FOXP1: variants seen among roughly 807,000 people sequenced by gnomAD.
The protein encoded by FOXP1 is forkhead box P1.
In FOXP1, 15 loss-of-function variants were observed where a neutral mutation model predicts 98.2. The ratio of observed to expected loss-of-function variants is 0.15; its 90% confidence interval spans 0.10 to 0.24. FOXP1 has a LOEUF of 0.24. FOXP1 is among the 10% of genes least tolerant of loss of function. The pLI is 1.00. For synonymous variants in FOXP1, 371 were observed against 314.5 expected (o/e 1.18, Z -1.90); for missense variants, 633 against 848.5 (o/e 0.75, Z 3.15).
chr3:71,331,516 T>C (rs1038216238), intron 4 of FOXP1, among the ~76,000 whole-genome samples: 2 of 152,250 alleles, frequency 1.3e-5, no homozygotes, highest in Admixed American at 1.3e-4. Flanking sequence ...CAGCTCCACC[T>C]GCGGCCCCGG....
At chr3:71,583,871 C>T, upstream of FOXP1, 1 of 985,648 alleles carries the variant, frequency 1.0e-6, no homozygotes, top group Non-Finnish European at 1.2e-6. Flanking sequence ...CGGCCCGACC[C>T]TCTACCTCCC....
intron 13 of FOXP1, among the ~76,000 whole-genome samples, chr3:70,988,421 G>A (rs2040101824): frequency 6.6e-6 from 1 of 152,208 alleles, no homozygotes; most frequent in Admixed American, 6.5e-5. Context: ...GAGCTAGGTA[G>A]CTAAAACCCA....
chr3:71,228,267 A>G (rs374571890), intron 5 of FOXP1, among the ~76,000 whole-genome samples: 1 of 151,970 alleles, frequency 6.6e-6, no homozygotes, highest in East Asian at 1.9e-4. Flanking sequence ...ACTGTTTTCA[A>G]TTCTCTATAC....
intron 7 of FOXP1, among the ~76,000 whole-genome samples, chr3:71,095,755 G>A (rs1192504185): frequency 2.0e-5 from 3 of 152,172 alleles, no homozygotes. Context: ...TCAAGTTAGC[G>A]ATCTGGTGAG....
intron 6 of FOXP1, among the ~76,000 whole-genome samples, chr3:71,133,964 G>A (rs1291181238): frequency 6.6e-6 from 1 of 152,110 alleles, no homozygotes; most frequent in African/African-American, 2.4e-5. Context: ...TTTCACAGCT[G>A]TAATACTCCT....
At chr3:71,434,476 T>A (rs141048868) in intron 3 of FOXP1, among the ~76,000 whole-genome samples, 1 of 152,298 alleles carries the variant, frequency 6.6e-6, no homozygotes, top group African/African-American at 2.4e-5. Flanking sequence ...ACCTGAGGCC[T>A]TACGTTTTAA....
intron 2 of FOXP1, chr3:71,573,841 C>A (rs536135297): frequency 6.6e-6 from 1 of 151,968 alleles, no homozygotes; most frequent in Non-Finnish European, 1.5e-5. Flanking sequence ...AAAATATCTA[C>A]CATACATCAC....
intron 5 of FOXP1, 23 bp from the exon 6 acceptor site, chr3:71,198,415 GGGGGGAGGGA>G: frequency 1.1e-6 from 1 of 945,680 alleles, no homozygotes; most frequent in Non-Finnish European, 1.7e-6. Flanking sequence ...TTTCCAAGAT[GGGGGGAGGGA>G]GGGGGGGAGA....
chr3:71,020,660 C>G (rs1317985733), intron 11 of FOXP1, among the ~76,000 whole-genome samples: 2 of 152,212 alleles, frequency 1.3e-5, no homozygotes, highest in African/African-American at 4.8e-5. Flanking sequence ...ACCTTGCTAT[C>G]TGCCAAGCCA....
chr3:71,235,717 C>A (rs2066711683), intron 5 of FOXP1, among the ~76,000 whole-genome samples: 1 of 152,124 alleles, frequency 6.6e-6, no homozygotes, highest in Non-Finnish European at 1.5e-5. Flanking sequence ...AAGGTGCGTG[C>A]CACCATGCCC....
intron 3 of FOXP1, among the ~76,000 whole-genome samples, chr3:71,430,224 G>A (rs1177268196): frequency 6.6e-6 from 1 of 152,178 alleles, no homozygotes; most frequent in Non-Finnish European, 1.5e-5. Context: ...TTTGCAGCGT[G>A]AGCGATTTCG....
At chr3:71,188,907 G>A (rs1320416195) in intron 6 of FOXP1, among the ~76,000 whole-genome samples, 1 of 152,144 alleles carries the variant, frequency 6.6e-6, no homozygotes, top group African/African-American at 2.4e-5. Context: ...GGGGAACACA[G>A]GGTTACCAAC....
intron 5 of FOXP1, among the ~76,000 whole-genome samples, chr3:71,293,222 T>A (rs2072943039): frequency 6.6e-6 from 1 of 152,232 alleles, no homozygotes; most frequent in Admixed American, 6.5e-5. Context: ...CCACCTAACA[T>A]GAGGTTTGTG....
chr3:71,413,358 C>T (rs1400244257), intron 3 of FOXP1, among the ~76,000 whole-genome samples: 1 of 151,164 alleles, frequency 6.6e-6, no homozygotes, highest in Admixed American at 6.6e-5. Context: ...CACAATGCTG[C>T]GCTGCCATTA....
chr3:71,395,475 T>C (rs1310570200), intron 3 of FOXP1, among the ~76,000 whole-genome samples: 1 of 151,554 alleles, frequency 6.6e-6, no homozygotes, highest in Admixed American at 6.6e-5. Flanking sequence ...TGCCTCCTTC[T>C]TGCCATTCAG....
intron 7 of FOXP1, chr3:71,064,695 T>C (rs1341222333): frequency 6.3e-6 from 4 of 635,448 alleles, no homozygotes; most frequent in Non-Finnish European, 7.8e-6. Flanking sequence ...ATGAGGATGA[T>C]TTTTTAAAAG....
upstream of FOXP1, chr3:71,583,946 G>C (rs1022457183): frequency 1.0e-6 from 1 of 983,194 alleles, no homozygotes; most frequent in Admixed American, 6.2e-5. Flanking sequence ...GAGCGGGAGC[G>C]GCTCCCTCTT....
chr3:71,382,233 C>A (rs1409830323), intron 3 of FOXP1, among the ~76,000 whole-genome samples: 1 of 152,030 alleles, frequency 6.6e-6, no homozygotes, highest in Admixed American at 6.6e-5. Context: ...CATGATGGCA[C>A]CCCTGCACTC....
intron 19 of FOXP1, chr3:70,970,519 A>C (rs1240621258): frequency 1.8e-6 from 1 of 559,514 alleles, no homozygotes; most frequent in African/African-American, 1.9e-5. Flanking sequence ...GTGAACTTTT[A>C]ATTTTTTTGC....
Sources: allele counts gnomAD v4.1 joint callset (sites outside exome capture counted in the v4.1 genomes callset), GRCh38; gene constraint gnomAD v4.1.1; transcripts MANE v1.5; gene names NCBI Gene and HGNC (gene_info 2026-07-23, HGNC 2026-07-21).